The following PLEKHH2 variants were observed in gnomAD, a reference collection of about 807,000 sequenced individuals.
The protein encoded by PLEKHH2 is pleckstrin homology, MyTH4 and FERM domain containing H2.
A neutral mutation model predicts 187.9 loss-of-function variants in PLEKHH2; 129 were observed. That is an observed-to-expected ratio of 0.69 (90% CI 0.59 to 0.79). PLEKHH2 has a LOEUF of 0.79. PLEKHH2 is among the 30% of genes least tolerant of loss of function. PLEKHH2 has a pLI of 0.00. For missense variants in PLEKHH2, 2,076 were observed against 1,751.2 expected, an observed-to-expected ratio of 1.19 and a Z score of -3.31; for synonymous variants, 686 against 605.6, an observed-to-expected ratio of 1.13 and a Z score of -1.95.
intron 2 of PLEKHH2, among the ~76,000 whole-genome samples, chr2:43,648,091 C>T (rs1334765562): frequency 6.6e-6 from 1 of 152,124 alleles, no homozygotes; most frequent in Non-Finnish European, 1.5e-5. Context: ...GCCGTTAGAC[C>T]GTAGATCTTT....
chr2:43,695,239 C>T lies in PLEKHH2; in HGVS notation c.502+15C>T, dbSNP rs1669029743. On this transcript the variant is annotated intron_variant, in intron 6 of 29. Transcript: ENST00000282406. ...AAAACTACAAGGTACAAATACTTTA[C>T]TAAGATAGCTTAGTTGGATTTATTT... 6.8e-7 allele frequency: 1 copy of T among 1,472,584 alleles called. No individual in the cohort carries two copies. Among genetic ancestry groups the T allele is most frequent in the Non-Finnish European group, 9.3e-7 (1 of 1,072,900 alleles). 91.2% of individuals were successfully genotyped at this position (1,472,584 alleles called of 1,614,324 possible). A position where few individuals can be genotyped will look rare whatever the true frequency, so the allele number is the denominator to read the frequency against.
Position 43,674,073 on chromosome 2 carries a change from T to A in PLEKHH2, c.124-4790T>A, listed in dbSNP as rs148460987. ...AGGCATGACAGAGAGCTTTGTCATT[T>A]CATCAATAATTTGTAATATATTAAA... is the stretch of plus-strand genomic sequence containing the variant. On this transcript the variant is annotated intron_variant, in intron 2 of 29. Coordinates refer to ENST00000282406, the MANE Select transcript of PLEKHH2 (RefSeq NM_172069.4). 8.2e-3 allele frequency among the ~76,000 whole-genome samples: 1,242 copies of A among 152,346 alleles called. 20 individuals are homozygous for A. The highest frequency in any genetic ancestry group is 0.029 in the African/African-American group (1,192 of 41,588).
intron 3 of PLEKHH2, among the ~76,000 whole-genome samples, chr2:43,690,437 T>C (rs1272733734): frequency 6.6e-6 from 1 of 152,198 alleles, no homozygotes; most frequent in African/African-American, 2.4e-5. Flanking sequence ...GATTTACATT[T>C]ATGCAGTGAA....
chr2:43,654,288 C>T (rs1011805183), intron 2 of PLEKHH2, among the ~76,000 whole-genome samples: 12 of 151,940 alleles, frequency 7.9e-5, no homozygotes, highest in East Asian at 1.9e-4. Context: ...TCCACCTCCC[C>T]GGTTCAAGCG....
chr2:43,667,236 C>G (rs1469825943), intron 2 of PLEKHH2, among the ~76,000 whole-genome samples: 4 of 152,104 alleles, frequency 2.6e-5, no homozygotes, highest in Non-Finnish European at 5.9e-5. Context: ...CTTTTAATTA[C>G]CTGGACATCT....
In PLEKHH2 at chr2:43,707,440, T is replaced by C; in HGVS notation, c.1861T>C (p.Ser621Pro). The change falls in exon 11 of 30, where the codon TCA (serine) becomes CCA (proline). Residue 621 changes from serine to proline, a missense_variant. By Grantham distance (74) the Ser-to-Pro change is moderately conservative. Coordinates refer to ENST00000282406, the MANE Select transcript of PLEKHH2 (RefSeq NM_172069.4). ...AAGTAGCAGCCCTTTCCTGGATGAC[T>C]CATCTGGGTCAGAGGAAGAAGACAG... ...QISSSPFLDD[S>P]SGSEEEDSSR... The C allele has an allele frequency of 6.2e-7, 1 of 1,614,120 alleles. No individual in the cohort carries two copies. Among genetic ancestry groups the C allele is most frequent in the Non-Finnish European group, 8.5e-7 (1 of 1,180,022 alleles).
rs1319153320 is a variant in PLEKHH2 at position 43,757,103 on chromosome 2, G to T, written c.3796-16G>T. On this transcript the variant is annotated splice_polypyrimidine_tract_variant and intron_variant, in intron 25 of 29. Transcript: ENST00000282406. Reference sequence around the variant, plus strand: ...CTCTTTTCAATATATTTTCACTTTTGTGGATTTCCAATTAGGTAGAGATTG... The same window carrying T: ...CTCTTTTCAATATATTTTCACTTTTTTGGATTTCCAATTAGGTAGAGATTG... 10 of 1,544,194 alleles carry T rather than the reference G, an allele frequency of 6.5e-6. No homozygotes were observed. Among genetic ancestry groups the T allele is most frequent in the Non-Finnish European group, 8.7e-6 (10 of 1,152,454 alleles).
At chr2:43,707,629 T>G (rs1266601681) in intron 11 of PLEKHH2, 84 bp downstream of exon 11, 1 of 1,505,030 alleles carries the variant, frequency 6.6e-7, no homozygotes, top group Admixed American at 2.1e-5. Context: ...ACAGGATTAT[T>G]TTTTAAATCC....
chr2:43,674,485 C>G lies in PLEKHH2; in HGVS notation c.124-4378C>G, dbSNP rs549758752. On this transcript the variant is annotated intron_variant, in intron 2 of 29. Transcript: ENST00000282406. ...GACATCCAAAAGACTTAATGCTTGT[C>G]CAGCTGCTTCTATATAGTGCCATAG... Among the ~76,000 whole-genome samples the G allele has an allele frequency of 1.6e-3, 238 of 152,246 alleles. 1 individual carries two copies. The highest frequency in any genetic ancestry group is 5.7e-3 in the African/African-American group (236 of 41,534).
In PLEKHH2 at chr2:43,765,463, G is replaced by A; in HGVS notation, c.4347G>A (p.Gln1449=). The part of the protein sequence containing the change: ...LIASYINNFH[Q]QKAAFHHLSA... Reference sequence around the variant, plus strand: ...CCAGTTACATAAACAACTTCCATCAGCAAAAGGCAGCATTTCACCACCTCT... The same window carrying A: ...CCAGTTACATAAACAACTTCCATCAACAAAAGGCAGCATTTCACCACCTCT... Residue 1449 remains glutamine (Q), a synonymous_variant, in exon 30 of 30, where the codon CAG becomes CAA. Transcript: ENST00000282406. 6.2e-7 allele frequency: 1 copy of A among 1,614,110 alleles called. No homozygotes were observed. Among genetic ancestry groups the A allele is most frequent in the Non-Finnish European group, 8.5e-7 (1 of 1,180,004 alleles).
At chr2:43,651,847 T>TA (rs2104350649) in intron 2 of PLEKHH2, among the ~76,000 whole-genome samples, 1 of 152,362 alleles carries the variant, frequency 6.6e-6, no homozygotes, top group Non-Finnish European at 1.5e-5. Context: ...TTTGAATTTT[T>TA]AAAAAGTTAT....
chr2:43,652,667 AC>A (rs1337567509), intron 2 of PLEKHH2, among the ~76,000 whole-genome samples: 1 of 151,912 alleles, frequency 6.6e-6, no homozygotes, highest in East Asian at 1.9e-4. Flanking sequence ...TGGTTAACAA[AC>A]CCCACATATG....
intron 23 of PLEKHH2, among the ~76,000 whole-genome samples, chr2:43,745,483 A>G (rs1052937245): frequency 2.6e-5 from 4 of 152,130 alleles, no homozygotes; most frequent in Non-Finnish European, 5.9e-5. Flanking sequence ...TTATATGTCA[A>G]ATTTCTTTGG....
intron 28 of PLEKHH2, 109 bp from the exon 29 acceptor site, chr2:43,764,119 C>T (rs951539789): frequency 9.8e-6 from 6 of 610,992 alleles, no homozygotes; most frequent in Non-Finnish European, 1.5e-5. Context: ...TTGTATTATA[C>T]CATAATTGAT....
At chr2:43,676,224 G>C in intron 2 of PLEKHH2, 1 of 1,613,998 alleles carries the variant, frequency 6.2e-7, no homozygotes, top group Non-Finnish European at 8.5e-7. Context: ...TTTGACCTCT[G>C]TGTCGAATGT....
chr2:43,646,183 T>C (rs767928233), intron 2 of PLEKHH2, among the ~76,000 whole-genome samples: 6 of 152,298 alleles, frequency 3.9e-5, no homozygotes, highest in Non-Finnish European at 7.4e-5. Flanking sequence ...ATTAAAATTA[T>C]AGCTTATAAA....
intron 1 of PLEKHH2, among the ~76,000 whole-genome samples, chr2:43,640,675 G>T (rs546638987): frequency 1.3e-4 from 20 of 152,070 alleles, no homozygotes; most frequent in Non-Finnish European, 2.8e-4. Flanking sequence ...ACTTTGATTT[G>T]CATTTTCTCT....
intron 1 of PLEKHH2, among the ~76,000 whole-genome samples, chr2:43,644,170 A>G (rs1666078868): frequency 1.3e-5 from 2 of 152,158 alleles, no homozygotes; most frequent in African/African-American, 4.8e-5. Context: ...CAAACCGTGA[A>G]TTGTAGCAAT....
intron 16 of PLEKHH2, among the ~76,000 whole-genome samples, chr2:43,721,635 GC>G (rs1159394943): frequency 6.6e-6 from 1 of 152,160 alleles, no homozygotes; most frequent in African/African-American, 2.4e-5. Context: ...TATAATCCCA[GC>G]ACTTTGGGAG....
Sources: allele counts gnomAD v4.1 joint callset (sites outside exome capture counted in the v4.1 genomes callset), GRCh38; gene constraint gnomAD v4.1.1; transcripts MANE v1.5; gene names NCBI Gene and HGNC (gene_info 2026-07-23, HGNC 2026-07-21).